Variants in DPY30 observed in about 807,000 individuals in gnomAD.
DPY30 encodes dpy-30 histone methyltransferase complex regulatory subunit, also known as protein dpy-30 homolog.
In DPY30, 6 loss-of-function variants were observed where a neutral mutation model predicts 16.2. The ratio of observed to expected loss-of-function variants is 0.37; its 90% confidence interval spans 0.20 to 0.73. The LOEUF (loss-of-function observed/expected upper bound fraction) is 0.73, where lower values mean the gene tolerates loss of function less well. DPY30 is among the 30% of genes least tolerant of loss of function. The probability of loss-of-function intolerance (pLI) is 0.51; values close to 1 mark genes in which losing one functional copy is unlikely to be tolerated. For synonymous variants in DPY30, 39 were observed against 38.8 expected (o/e 1.00, Z -0.02); for missense variants, 73 against 113.1 (o/e 0.65, Z 1.61).
intron 3 of DPY30, among the ~76,000 whole-genome samples, chr2:32,031,247 C>A (rs1457443058): frequency 3.3e-5 from 5 of 151,804 alleles, no homozygotes; most frequent in African/African-American, 1.2e-4. Context: ...CGGCAAAACC[C>A]CGTCTCTACT....
At chr2:32,032,023 C>A (rs1039228025) in intron 3 of DPY30, among the ~76,000 whole-genome samples, 7 of 151,644 alleles carry the variant, frequency 4.6e-5, no homozygotes, top group African/African-American at 1.7e-4. Flanking sequence ...CATACTCAAA[C>A]TAGATATAAA....
At chr2:32,015,849 TAA>T (rs751298889) in intron 5 of DPY30, among the ~76,000 whole-genome samples, 70 of 119,648 alleles carry the variant, frequency 5.9e-4, no homozygotes, top group Admixed American at 5.2e-4. Context: ...AGACCCTGTC[TAA>T]AAAAAAAAAA....
chr2:32,019,820 CA>C (rs1169379455), downstream of DPY30, among the ~76,000 whole-genome samples: 214 of 86,662 alleles, frequency 2.5e-3, 1 homozygote, highest in East Asian at 5.5e-3. Context: ...AACTCCGTCT[CA>C]AAAAAAAAAA....
intron 4 of DPY30, among the ~76,000 whole-genome samples, chr2:32,028,976 G>T (rs1021587102): frequency 4.6e-5 from 7 of 151,664 alleles, no homozygotes; most frequent in Non-Finnish European, 1.0e-4. Context: ...AAAAAAATAA[G>T]AATAATAATA....
downstream of DPY30, among the ~76,000 whole-genome samples, chr2:32,021,733 C>G (rs933185680): frequency 1.3e-5 from 2 of 151,178 alleles, no homozygotes; most frequent in African/African-American, 4.9e-5. Context: ...TCATGTTCAC[C>G]AGGTGACAGC....
At chr2:32,032,921 T>G (rs1675594300) in intron 3 of DPY30, among the ~76,000 whole-genome samples, 2 of 151,902 alleles carry the variant, frequency 1.3e-5, no homozygotes, top group African/African-American at 2.4e-5. Context: ...GCTTGAACCC[T>G]GGAGGCAGAG....
rs2148655764 is a variant in DPY30 at position 32,024,015 on chromosome 2, T to G, written c.*169A>C. 17 of 1,462,588 alleles carry G rather than the reference T, an allele frequency of 1.2e-5. No homozygotes were observed. The highest frequency in any genetic ancestry group is 2.1e-4 in the Middle Eastern group (1 of 4,848). 90.6% of individuals were successfully genotyped at this position (1,462,588 alleles called of 1,614,324 possible). ...TTAAATAGGTATGGTTTATGGTGAT[T>G]AAATCAAAATAAGGGAAATATGTTA... On this transcript the variant is annotated 3_prime_UTR_variant, in exon 5 of 5. Transcript: ENST00000342166.
chr2:32,016,532 T>C (rs1220831695), intron 5 of DPY30, among the ~76,000 whole-genome samples: 1 of 152,250 alleles, frequency 6.6e-6, no homozygotes, highest in Admixed American at 6.5e-5. Context: ...AAAATCCCAC[T>C]GTACCTTCTC....
intron 3 of DPY30, among the ~76,000 whole-genome samples, chr2:32,033,268 G>A (rs981536016): frequency 4.7e-4 from 70 of 147,620 alleles, no homozygotes; most frequent in Admixed American, 9.5e-4. Flanking sequence ...AGATCGCACC[G>A]TTGCACTCCA....
intron 3 of DPY30, among the ~76,000 whole-genome samples, chr2:32,032,669 G>A (rs1454244483): frequency 6.6e-6 from 1 of 152,180 alleles, no homozygotes; most frequent in African/African-American, 2.4e-5. Flanking sequence ...AAACCAGCTT[G>A]AGCAACATAG....
At chr2:32,028,569 G>A (rs765896683) in intron 4 of DPY30, among the ~76,000 whole-genome samples, 5 of 152,122 alleles carry the variant, frequency 3.3e-5, no homozygotes, top group African/African-American at 7.2e-5. Flanking sequence ...TTGGGAGGCC[G>A]AGATGGGCGG....
intron 3 of DPY30, among the ~76,000 whole-genome samples, chr2:32,036,194 T>C (rs1675730992): frequency 6.6e-6 from 1 of 151,578 alleles, no homozygotes; most frequent in Admixed American, 6.6e-5. Context: ...CCCAGGCTGG[T>C]CTTAAACTCC....
intron 3 of DPY30, among the ~76,000 whole-genome samples, chr2:32,037,050 C>A (rs1398036443): frequency 6.6e-5 from 10 of 152,194 alleles, no homozygotes; most frequent in African/African-American, 2.4e-4. Context: ...AGCAAATCTA[C>A]AACTGGCAAA....
intron 5 of DPY30, among the ~76,000 whole-genome samples, chr2:32,013,937 G>C (rs1471698595): frequency 6.6e-6 from 1 of 152,074 alleles, no homozygotes; most frequent in African/African-American, 2.4e-5. Context: ...GAACCTGGGA[G>C]GCAGAGGTTG....
At chr2:32,012,814 C>T (rs963586346) in intron 5 of DPY30, among the ~76,000 whole-genome samples, 1 of 152,132 alleles carries the variant, frequency 6.6e-6, no homozygotes, top group Non-Finnish European at 1.5e-5. Context: ...AGTACCAAAA[C>T]TCAGTGATCA....
intron 4 of DPY30, among the ~76,000 whole-genome samples, chr2:32,026,406 T>C (rs1675333454): frequency 6.6e-6 from 1 of 151,956 alleles, no homozygotes; most frequent in Non-Finnish European, 1.5e-5. Flanking sequence ...CGAGAACTTG[T>C]CTCAAAAAAA....
chr2:32,029,847 T>C, intron 3 of DPY30, 111 bp from the exon 4 acceptor site: 1 of 1,221,056 alleles, frequency 8.2e-7, no homozygotes. Context: ...AATCAATGAC[T>C]AGAAAGATGG....
chr2:32,031,604 A>T (rs1675543042), intron 3 of DPY30, among the ~76,000 whole-genome samples: 1 of 146,750 alleles, frequency 6.8e-6, no homozygotes, highest in Admixed American at 6.8e-5. Context: ...CTCAAAACGA[A>T]AAAACAAAGG....
intron 5 of DPY30, chr2:32,013,369 G>A (rs1271463855): frequency 6.6e-6 from 1 of 152,134 alleles, no homozygotes; most frequent in Non-Finnish European, 1.5e-5. Context: ...TGAACTGAAA[G>A]GTTAGCAGAT....
Sources: allele counts gnomAD v4.1 joint callset (sites outside exome capture counted in the v4.1 genomes callset), GRCh38; gene constraint gnomAD v4.1.1; transcripts MANE v1.5; gene names NCBI Gene and HGNC (gene_info 2026-07-23, HGNC 2026-07-21).